ATG7: variants seen among roughly 807,000 people sequenced by gnomAD.
The protein encoded by ATG7 is ubiquitin-like modifier-activating enzyme ATG7.
Under a neutral mutation model 82.4 loss-of-function variants are expected in ATG7, and 70 were observed. That is an observed-to-expected ratio of 0.85 (90% CI 0.70 to 1.04). The LOEUF is 1.04. Among genes scored for constraint, ATG7 ranks in the 50% least tolerant of loss-of-function variants. The probability of loss-of-function intolerance (pLI) is 0.00; values close to 1 mark genes in which losing one functional copy is unlikely to be tolerated. For synonymous variants in ATG7, 287 were observed against 313.0 expected, an observed-to-expected ratio of 0.92 and a Z score of 0.88; for missense variants, 792 against 864.3, an observed-to-expected ratio of 0.92 and a Z score of 1.05.
intron 16 of ATG7, 116 bp downstream of exon 16, chr3:11,360,900 A>G: frequency 8.4e-7 from 1 of 1,184,662 alleles, no homozygotes; most frequent in Non-Finnish European, 1.2e-6. Flanking sequence ...AACAAAGAGA[A>G]GAATTCTCCA....
At chr3:11,469,136 T>C (rs868344672) in intron 20 of ATG7, among the ~76,000 whole-genome samples, 35 of 152,350 alleles carry the variant, frequency 2.3e-4, no homozygotes, top group Admixed American at 5.2e-4. Flanking sequence ...GAACAAAATA[T>C]AGCTATAGAT....
chr3:11,433,626 A>G (rs1197256902), intron 20 of ATG7, among the ~76,000 whole-genome samples: 1 of 152,168 alleles, frequency 6.6e-6, no homozygotes, highest in Non-Finnish European at 1.5e-5. Flanking sequence ...ATTTCCCTGA[A>G]ATACTTCATT....
At chr3:11,571,416 A>T in the ATG7 span, among the ~76,000 whole-genome samples, 5 of 152,002 alleles carry the variant, frequency 3.3e-5, no homozygotes, top group East Asian at 1.9e-4. Flanking sequence ...AGGTGCAGTG[A>T]CTCACGCCTG....
intron 18 of ATG7, among the ~76,000 whole-genome samples, chr3:11,376,431 A>G (rs1206976516): frequency 6.6e-6 from 1 of 152,232 alleles, no homozygotes; most frequent in African/African-American, 2.4e-5. Flanking sequence ...TAGAGATACT[A>G]TTTCTAGATT....
intron 20 of ATG7, among the ~76,000 whole-genome samples, chr3:11,493,454 A>AG (rs1284771613): frequency 2.0e-5 from 3 of 152,234 alleles, no homozygotes; most frequent in Non-Finnish European, 4.4e-5. Flanking sequence ...AGAATGACTC[A>AG]GGAGAGAGCA....
chr3:11,466,790 T>C (rs2086868323), intron 20 of ATG7, among the ~76,000 whole-genome samples: 1 of 152,208 alleles, frequency 6.6e-6, no homozygotes, highest in African/African-American at 2.4e-5. Flanking sequence ...TCATTTGTGT[T>C]CACAGATCTC....
intron 1 of ATG7, among the ~76,000 whole-genome samples, chr3:11,279,782 G>A (rs938325976): frequency 1.3e-5 from 2 of 152,168 alleles, no homozygotes; most frequent in African/African-American, 4.8e-5. Flanking sequence ...TGCCTCATCA[G>A]TCTAATTTAG....
At chr3:11,425,917 C>G (rs1191909812) in intron 19 of ATG7, among the ~76,000 whole-genome samples, 2 of 152,086 alleles carry the variant, frequency 1.3e-5, no homozygotes, top group Non-Finnish European at 2.9e-5. Context: ...CATACTGCTT[C>G]TTTCTTTTGT....
chr3:11,483,871 A>G (rs1444606874), intron 20 of ATG7, among the ~76,000 whole-genome samples: 1 of 152,174 alleles, frequency 6.6e-6, no homozygotes, highest in Non-Finnish European at 1.5e-5. Context: ...CGTAGGCTAC[A>G]TTGTGTTCCC....
At position 11,524,767 on chromosome 3, in the gene ATG7, A is replaced by G. The variant is rs573379794; in HGVS notation, c.2080-30044A>G. On this transcript the variant is annotated intron_variant, in intron 20 of 20. Transcript: ENST00000693202. ...ATGCCACTGTGCTCCAGCCTGGGCA[A>G]CAGAGCAAAACCCTGTCATTTAAAA... 2.6e-5 allele frequency among the ~76,000 whole-genome samples: 4 copies of G among 152,242 alleles called. No homozygotes were observed. The South Asian group carries it at 8.3e-4, about 32-fold the overall frequency.
intron 18 of ATG7, among the ~76,000 whole-genome samples, chr3:11,368,667 G>A (rs747993536): frequency 2.9e-5 from 4 of 139,904 alleles, no homozygotes; most frequent in African/African-American, 8.1e-5. Context: ...ACCTGTGGGA[G>A]TTTGAGGCTG....
intron 20 of ATG7, among the ~76,000 whole-genome samples, chr3:11,440,815 C>T (rs1032826234): frequency 9.9e-5 from 15 of 151,048 alleles, no homozygotes; most frequent in African/African-American, 3.7e-4. Flanking sequence ...TCCCAAGCAG[C>T]TGGGATTACA....
At chr3:11,562,298 G>C (rs952656191), downstream of ATG7, among the ~76,000 whole-genome samples, 26 of 152,264 alleles carry the variant, frequency 1.7e-4, no homozygotes, top group Admixed American at 1.6e-3. Flanking sequence ...TCACAAACAT[G>C]AAATGGGGGG....
intron 20 of ATG7, among the ~76,000 whole-genome samples, chr3:11,534,963 G>C (rs1042037724): frequency 2.0e-5 from 3 of 152,256 alleles, no homozygotes; most frequent in Admixed American, 1.3e-4. Context: ...CTCCACTCCA[G>C]CTGCAATTCA....
At chr3:11,500,502 T>C (rs1366988540) in intron 20 of ATG7, among the ~76,000 whole-genome samples, 1 of 152,186 alleles carries the variant, frequency 6.6e-6, no homozygotes, top group African/African-American at 2.4e-5. Flanking sequence ...AACTCCACCA[T>C]TGGGAAATTT....
intron 7 of ATG7, among the ~76,000 whole-genome samples, chr3:11,311,145 A>G (rs139308795): frequency 6.6e-6 from 1 of 152,272 alleles, no homozygotes; most frequent in East Asian, 1.9e-4. Context: ...TTTACTGAGC[A>G]TTCTTAGCCT....
intron 20 of ATG7, among the ~76,000 whole-genome samples, chr3:11,475,819 G>C (rs544160960): frequency 2.0e-5 from 3 of 149,456 alleles, no homozygotes; most frequent in South Asian, 2.1e-4. Context: ...TAGGCAGTTG[G>C]TATTATTTCT....
At chr3:11,468,802 C>T (rs897727577) in intron 20 of ATG7, among the ~76,000 whole-genome samples, 22 of 152,166 alleles carry the variant, frequency 1.4e-4, no homozygotes, top group Admixed American at 1.4e-3. Flanking sequence ...CAGGGAGGCT[C>T]GGTTTCATCA....
intron 20 of ATG7, among the ~76,000 whole-genome samples, chr3:11,545,830 T>C (rs936548060): frequency 6.6e-6 from 1 of 152,136 alleles, no homozygotes; most frequent in Non-Finnish European, 1.5e-5. Flanking sequence ...GCTAGCAAAC[T>C]AGCAGCCTCC....
Sources: gnomAD v4.1 joint callset for allele counts (sites outside exome capture counted in the v4.1 genomes callset) on GRCh38, gnomAD v4.1.1 for gene constraint, MANE v1.5 for transcripts, NCBI Gene and HGNC (gene_info 2026-07-23, HGNC 2026-07-21) for gene names.